Variants in RBFOX3 observed in about 807,000 individuals in gnomAD.
RBFOX3 encodes the protein RNA binding protein fox-1 homolog 3.
RBFOX3 carries 17 observed loss-of-function variants against 48.7 expected under a neutral mutation model. The ratio of observed to expected loss-of-function variants is 0.35; its 90% CI spans 0.24 to 0.52. The LOEUF is 0.52. Among genes scored for constraint, RBFOX3 ranks in the 20% least tolerant of loss-of-function variants. RBFOX3 has a pLI of 0.94. For synonymous variants in RBFOX3, 212 were observed against 209.5 expected, an observed-to-expected ratio of 1.01 and a Z score of -0.10; for missense variants, 382 against 497.5, an observed-to-expected ratio of 0.77 and a Z score of 2.21.
At chr17:79,561,022 G>A (rs1221491324) in intron 1 of RBFOX3, among the ~76,000 whole-genome samples, 1 of 152,136 alleles carries the variant, frequency 6.6e-6, no homozygotes, top group East Asian at 1.9e-4. Context: ...GACAGAGCTG[G>A]GGGCGCCTGG....
At chr17:79,124,524 C>CCAG (rs1311777476) in intron 4 of RBFOX3, among the ~76,000 whole-genome samples, 1 of 152,252 alleles carries the variant, frequency 6.6e-6, no homozygotes, top group Non-Finnish European at 1.5e-5. Flanking sequence ...CCATTCCCAG[C>CCAG]CAGCAGCAGC....
intron 2 of RBFOX3, among the ~76,000 whole-genome samples, chr17:79,340,817 G>A (rs1434197891): frequency 6.6e-6 from 1 of 152,206 alleles, no homozygotes; most frequent in African/African-American, 2.4e-5. Flanking sequence ...CTCAGAGTCA[G>A]CATGCCGGAG....
rs1378450903 is a variant in RBFOX3, at chr17:79,263,006, C to T, written c.-73-27201G>A. On this transcript the variant is annotated intron_variant, in intron 3 of 14. Coordinates refer to ENST00000693108, the MANE Select transcript of RBFOX3 (RefSeq NM_001350451.2). ...AGCTGGTAAGGCCTCAGCTGCCTCC[C>T]CCGGGAGAACTTGCTCTTGGCCACT... 3.3e-5 allele frequency among the ~76,000 whole-genome samples: 5 copies of T among 152,208 alleles called. No homozygotes were observed. The East Asian group carries it at 7.7e-4, about 24-fold the overall frequency.
chr17:79,093,433 G>T (rs4789891), intron 14 of RBFOX3, among the ~76,000 whole-genome samples: 57,920 of 151,812 alleles, frequency 0.38, 12,215 homozygotes, highest in East Asian at 0.63. Context: ...CTGCACGGAG[G>T]GCCCAAGAGC....
chr17:79,426,554 T>A (rs1361894939), intron 2 of RBFOX3, among the ~76,000 whole-genome samples: 1 of 151,960 alleles, frequency 6.6e-6, no homozygotes, highest in East Asian at 1.9e-4. Context: ...GGAACTGGAG[T>A]CCAAAAGTGA....
rs925628380 is a variant in RBFOX3 at position 79,573,049 on chromosome 17, G to A, written c.-320+37777C>T. On this transcript the variant is annotated intron_variant, in intron 1 of 14. Coordinates refer to ENST00000693108, the MANE Select transcript of RBFOX3 (RefSeq NM_001350451.2). ...ATCTGCAATTCCAGTTTACCTGGGC[G>A]TCCTGGGTACACCTGGCAGCCCTGC... Among the ~76,000 whole-genome samples, 1,065 of 152,290 alleles carry A rather than the reference G, an allele frequency of 7.0e-3. 9 individuals carry two copies. Among genetic ancestry groups the A allele is most frequent in the African/African-American group, 0.023 (963 of 41,560 alleles).
intron 2 of RBFOX3, among the ~76,000 whole-genome samples, chr17:79,358,315 C>T (rs1047804588): frequency 5.9e-5 from 9 of 152,078 alleles, no homozygotes; most frequent in African/African-American, 1.4e-4. Flanking sequence ...GAGCTAGAGC[C>T]GTCTTCCCCT....
In RBFOX3 at chr17:79,477,424, CGGG is replaced by C. The variant is rs1276939534; in HGVS notation, c.-175+5027_-175+5029del. On this transcript the variant is annotated intron_variant, in intron 2 of 14. Coordinates refer to ENST00000693108, the MANE Select transcript of RBFOX3 (RefSeq NM_001350451.2). This position sits in a 1 kb window ranked among gnomAD's most constrained non-coding sequence, Gnocchi z 4.8. ...ACAAAACATTAGCCAGACGTGGTGG[CGGG>C]CGCCTGTAGTCCCAGCTACTTGGGA... Among the ~76,000 whole-genome samples, 3 of 150,268 alleles carry C rather than the reference CGGG, an allele frequency of 2.0e-5. No individual in the cohort carries two copies. The highest frequency in any genetic ancestry group is 7.3e-5 in the African/African-American group (3 of 40,852).
chr17:79,376,765 G>A (rs1598432324), intron 2 of RBFOX3, among the ~76,000 whole-genome samples: 1 of 152,142 alleles, frequency 6.6e-6, no homozygotes, highest in Non-Finnish European at 1.5e-5. Flanking sequence ...CTCGCAGGGG[G>A]ATGGGGGTGC....
At chr17:79,164,607 C>T (rs761441414) in intron 4 of RBFOX3, among the ~76,000 whole-genome samples, 2 of 152,196 alleles carry the variant, frequency 1.3e-5, no homozygotes, top group Non-Finnish European at 2.9e-5. Context: ...GCGTCAGGTG[C>T]GGCCACAGCA....
intron 1 of RBFOX3, among the ~76,000 whole-genome samples, chr17:79,557,475 G>A (rs889287293): frequency 1.3e-5 from 2 of 152,010 alleles, no homozygotes; most frequent in Non-Finnish European, 2.9e-5. Context: ...CAGTCTCTGA[G>A]ATGATGGAAC....
chr17:79,532,163 CG>C (rs1375234448), intron 1 of RBFOX3, among the ~76,000 whole-genome samples: 1 of 150,232 alleles, frequency 6.7e-6, no homozygotes, highest in Non-Finnish European at 1.5e-5. Flanking sequence ...AAGTTGTCCT[CG>C]GGGCAAATGA....
chr17:79,196,221 T>C (rs2055557918), intron 4 of RBFOX3, among the ~76,000 whole-genome samples: 1 of 152,064 alleles, frequency 6.6e-6, no homozygotes, highest in South Asian at 2.1e-4. Flanking sequence ...CTTGAGCTCC[T>C]AAGAAGACTG....
intron 2 of RBFOX3, among the ~76,000 whole-genome samples, chr17:79,449,184 G>A (rs1306577306): frequency 6.6e-6 from 1 of 152,086 alleles, no homozygotes; most frequent in Non-Finnish European, 1.5e-5. Flanking sequence ...GGCCCGGGAT[G>A]GGTTTCTGGC....
chr17:79,556,701 T>C (rs935409227), intron 1 of RBFOX3, among the ~76,000 whole-genome samples: 94 of 152,324 alleles, frequency 6.2e-4, no homozygotes, highest in African/African-American at 2.1e-3. Context: ...AAATATTTAC[T>C]GGCAAAAGGC....
rs542991608 is a variant in RBFOX3 at position 79,107,476 on chromosome 17, C to T, written c.223-688G>A. Among the ~76,000 whole-genome samples the T allele has an allele frequency of 6.6e-5, 10 of 152,352 alleles. No homozygotes were observed. The South Asian group carries it at 1.2e-3, about 19-fold the overall frequency. On this transcript the variant is annotated intron_variant, in intron 5 of 14. Transcript: ENST00000693108. Reference sequence around the variant, plus strand: ...AACAAAAGCCACCTGGCCCCCAGCTCGCTGTGAGAAGGCAGGGGTGTCGCC... The same window carrying T: ...AACAAAAGCCACCTGGCCCCCAGCTTGCTGTGAGAAGGCAGGGGTGTCGCC...
chr17:79,091,674 C>T (rs1159841068), intron 14 of RBFOX3, among the ~76,000 whole-genome samples: 1 of 152,196 alleles, frequency 6.6e-6, no homozygotes, highest in Non-Finnish European at 1.5e-5. Flanking sequence ...AGCTCTCCTG[C>T]CTGCTGAGGA....
At chr17:79,400,436 A>G (rs758480368) in intron 2 of RBFOX3, among the ~76,000 whole-genome samples, 1 of 152,206 alleles carries the variant, frequency 6.6e-6, no homozygotes, top group Non-Finnish European at 1.5e-5. Context: ...GACACTGGTC[A>G]TGGTGGGTTA....
chr17:79,536,652 C>T (rs1351703200), intron 1 of RBFOX3, among the ~76,000 whole-genome samples: 1 of 147,976 alleles, frequency 6.8e-6, no homozygotes, highest in South Asian at 2.1e-4. Context: ...CATGCTTGCC[C>T]CGCCCCAGCG....
Sources: allele counts gnomAD v4.1 joint callset (sites outside exome capture counted in the v4.1 genomes callset), GRCh38; gene constraint gnomAD v4.1.1; non-coding constraint Gnocchi (gnomAD v3.1); transcripts MANE v1.5; gene names NCBI Gene and HGNC (gene_info 2026-07-23, HGNC 2026-07-21).